Variants in SLC44A5 observed in about 807,000 individuals in gnomAD.
SLC44A5 encodes the protein choline transporter-like protein 5.
In SLC44A5, 57 loss-of-function variants were observed where a neutral mutation model predicts 101.8. That is an observed-to-expected ratio of 0.56 (90% CI 0.45 to 0.70). The LOEUF (loss-of-function observed/expected upper bound fraction) is 0.70. Among genes scored for constraint, SLC44A5 ranks in the 30% least tolerant of loss-of-function variants. The pLI, the probability that SLC44A5 is intolerant of heterozygous loss-of-function variation, is 0.00. For synonymous variants in SLC44A5, 281 were observed against 290.9 expected (o/e 0.97, Z 0.35); for missense variants, 737 against 853.1 (o/e 0.86, Z 1.70).
intron 2 of SLC44A5, among the ~76,000 whole-genome samples, chr1:75,478,423 G>C (rs1474957670): frequency 6.6e-6 from 1 of 152,178 alleles, no homozygotes. Context: ...AATGTAAATG[G>C]ACTAAATGCT....
the SLC44A5 span, among the ~76,000 whole-genome samples, chr1:75,688,901 C>T: frequency 6.6e-6 from 1 of 152,128 alleles, no homozygotes; most frequent in Non-Finnish European, 1.5e-5. Flanking sequence ...TAGTTCAAGA[C>T]TTATGAGCCA....
chr1:75,368,076 T>G (rs566809899), intron 3 of SLC44A5, among the ~76,000 whole-genome samples: 8 of 152,348 alleles, frequency 5.3e-5, no homozygotes, highest in African/African-American at 1.9e-4. Flanking sequence ...CAATATTTAT[T>G]GAGGCTGGCC....
At chr1:75,251,696 C>T (rs1238741423) in intron 6 of SLC44A5, among the ~76,000 whole-genome samples, 2 of 152,018 alleles carry the variant, frequency 1.3e-5, no homozygotes, top group Admixed American at 6.6e-5. Flanking sequence ...CATGAAGAAA[C>T]ATTATTACAT....
intron 1 of SLC44A5, among the ~76,000 whole-genome samples, chr1:75,562,971 T>G (rs544682063): frequency 6.6e-6 from 1 of 152,324 alleles, no homozygotes; most frequent in African/African-American, 2.4e-5. Context: ...AGTTTTGGTC[T>G]GCTTGAGGTT....
intron 2 of SLC44A5, among the ~76,000 whole-genome samples, chr1:75,498,582 C>T (rs1234548380): frequency 1.3e-5 from 2 of 151,908 alleles, no homozygotes; most frequent in Non-Finnish European, 2.9e-5. Context: ...TTTTTTTTAA[C>T]TTAAGTCTTC....
chr1:75,356,448 C>A, intron 3 of SLC44A5, among the ~76,000 whole-genome samples: 1 of 151,542 alleles, frequency 6.6e-6, no homozygotes, highest in East Asian at 1.9e-4. Context: ...GGAAAAAGTT[C>A]ATAGAATAAG....
At chr1:75,602,015 C>G (rs1321644464) in intron 1 of SLC44A5, among the ~76,000 whole-genome samples, 1 of 152,120 alleles carries the variant, frequency 6.6e-6, no homozygotes, top group Non-Finnish European at 1.5e-5. Flanking sequence ...TTAATACAAG[C>G]AATTGGCTAA....
chr1:75,380,770 A>T lies in SLC44A5; in HGVS notation c.52+15813T>A, dbSNP rs1198770077. Among the ~76,000 whole-genome samples the T allele has an allele frequency of 7.2e-5, 6 of 82,816 alleles. 2 individuals are homozygous for T. Among genetic ancestry groups the T allele is most frequent in the Non-Finnish European group, 1.3e-4 (6 of 47,998 alleles). The allele number at this position is 82,816 out of a possible 152,430, so 54.3% of individuals were successfully genotyped here. ...TGCAAAGAAAAGGGCCTCCACGGAG[A>T]TGGTAACACCAGTCACATGGATGGA... On this transcript the variant is annotated intron_variant, in intron 3 of 23. Coordinates refer to ENST00000370859, the MANE Select transcript of SLC44A5 (RefSeq NM_001130058.2).
At chr1:75,668,759 C>G in the SLC44A5 span, among the ~76,000 whole-genome samples, 2 of 151,540 alleles carry the variant, frequency 1.3e-5, no homozygotes, top group Non-Finnish European at 2.9e-5. Context: ...CTTTGGGAGG[C>G]TGAGGCAGGC....
In SLC44A5 at chr1:75,241,066, T is replaced by A. The variant is rs11162881; in HGVS notation, c.532+935A>T. ...TAAAATATTTCATTTAGTGAATACATTATAATTTAAATATTCTCGGTCTTG... is the reference window on the plus strand; with the variant it reads ...TAAAATATTTCATTTAGTGAATACAATATAATTTAAATATTCTCGGTCTTG... On this transcript the variant is annotated intron_variant, in intron 9 of 23. Coordinates refer to ENST00000370859, the MANE Select transcript of SLC44A5 (RefSeq NM_001130058.2). 3.3e-3 allele frequency among the ~76,000 whole-genome samples: 253 copies of A among 77,614 alleles called. 3 individuals carry two copies. Among genetic ancestry groups the A allele is most frequent in the Middle Eastern group, 6.3e-3 (1 of 158 alleles). 50.9% of individuals were successfully genotyped at this position (77,614 alleles called of 152,430 possible). A position where few individuals can be genotyped will look rare whatever the true frequency, so the allele number is the denominator to read the frequency against.
chr1:75,608,969 T>C (rs963292069), intron 1 of SLC44A5, among the ~76,000 whole-genome samples: 4 of 151,982 alleles, frequency 2.6e-5, no homozygotes, highest in Non-Finnish European at 5.9e-5. Flanking sequence ...TCATTGTTTG[T>C]CTTCCCTATG....
chr1:75,462,069 G>A (rs1185226711), intron 2 of SLC44A5, among the ~76,000 whole-genome samples: 1 of 152,234 alleles, frequency 6.6e-6, no homozygotes. Flanking sequence ...TAGTTAAGCA[G>A]GCCTTGGGCA....
At chr1:75,538,113 C>A (rs779497894) in intron 2 of SLC44A5, 13 of 152,182 alleles carry the variant, frequency 8.5e-5, no homozygotes, top group African/African-American at 3.1e-4. Flanking sequence ...AGGAATGAGA[C>A]CACTACAGGA....
intron 2 of SLC44A5, among the ~76,000 whole-genome samples, chr1:75,497,099 C>T (rs1430739597): frequency 6.6e-6 from 1 of 152,030 alleles, no homozygotes; most frequent in Non-Finnish European, 1.5e-5. Context: ...AAAGGAAGTA[C>T]TGCTATATAT....
At chr1:75,206,817 A>C in intron 23 of SLC44A5, 1 of 709,316 alleles carries the variant, frequency 1.4e-6, no homozygotes. Context: ...AAATCAGAAA[A>C]ATCAGTGTTA....
chr1:75,607,686 A>G (rs1260585573), intron 1 of SLC44A5, among the ~76,000 whole-genome samples: 1 of 151,932 alleles, frequency 6.6e-6, no homozygotes, highest in African/African-American at 2.4e-5. Context: ...TGTTTTCATG[A>G]TAGTAAGTCT....
intron 3 of SLC44A5, among the ~76,000 whole-genome samples, chr1:75,365,378 G>A (rs972586081): frequency 6.6e-6 from 1 of 152,062 alleles, no homozygotes; most frequent in African/African-American, 2.4e-5. Flanking sequence ...GTGTCTAAGT[G>A]TTCTTATCAT....
At chr1:75,326,784 A>T (rs1249655) in intron 4 of SLC44A5, among the ~76,000 whole-genome samples, 65,306 of 151,896 alleles carry the variant, frequency 0.43, 15,044 homozygotes, top group East Asian at 0.82. Flanking sequence ...ATTATGGATA[A>T]TCCATATGGA....
upstream of SLC44A5, among the ~76,000 whole-genome samples, chr1:75,615,037 C>G (rs997129055): frequency 3.9e-5 from 6 of 152,144 alleles, no homozygotes; most frequent in Admixed American, 2.0e-4. Flanking sequence ...GGCTCCCTCC[C>G]GAGTCGCGCC....
Sources: allele counts gnomAD v4.1 joint callset (sites outside exome capture counted in the v4.1 genomes callset), GRCh38; gene constraint gnomAD v4.1.1; transcripts MANE v1.5; gene names NCBI Gene and HGNC (gene_info 2026-07-23, HGNC 2026-07-21).